ARL14EPL: variants seen among roughly 807,000 people sequenced by gnomAD.
ARL14EPL encodes ARF like GTPase 14 effector protein like, also known as ARL14 effector protein-like.
A neutral mutation model predicts 15.9 loss-of-function variants in ARL14EPL; 17 were observed. The ratio of observed to expected loss-of-function variants is 1.07; its 90% CI spans 0.73 to 1.60. ARL14EPL has a LOEUF of 1.60. Ranked by LOEUF, ARL14EPL falls within the 40% of genes most tolerant of loss-of-function variation. The pLI is 0.00. For synonymous variants in ARL14EPL, 78 were observed against 63.8 expected (o/e 1.22, Z -1.06); for missense variants, 214 against 185.9 (o/e 1.15, Z -0.88).
chr5:116,040,834 A>G (rs1188487092), intron 1 of ARL14EPL, among the ~76,000 whole-genome samples: 5 of 147,846 alleles, frequency 3.4e-5, no homozygotes, highest in Non-Finnish European at 7.5e-5. Context: ...AAAAAAAATT[A>G]GTCGGGCGTG....
At chr5:116,033,636 A>C (rs200742542) in intron 1 of ARL14EPL, among the ~76,000 whole-genome samples, 1 of 37,988 alleles carries the variant, frequency 2.6e-5, no homozygotes, top group Admixed American at 2.8e-4. Flanking sequence ...CAGAATGAAA[A>C]AATGAAAAAT....
At chr5:116,049,237 A>G (rs1035185502) in intron 1 of ARL14EPL, among the ~76,000 whole-genome samples, 2 of 152,206 alleles carry the variant, frequency 1.3e-5, no homozygotes, top group African/African-American at 4.8e-5. Context: ...CCTAATGATA[A>G]GGTTCATCAG....
chr5:116,041,007 G>C lies in ARL14EPL; in HGVS notation c.-10+8502G>C, dbSNP rs1044340390. On this transcript the variant is annotated intron_variant, in intron 1 of 3. Coordinates refer to ENST00000686077, the MANE Select transcript of ARL14EPL (RefSeq NM_001195581.2). The stretch of plus-strand genomic sequence containing the variant: ...AAAAAAAAAAAAGTTTTTATGCTGT[G>C]CATCAAAAAACACAATAGAATATTT... Among the ~76,000 whole-genome samples, 3 of 94,820 alleles carry C rather than the reference G, an allele frequency of 3.2e-5. No homozygotes were observed. In the Admixed American group the frequency reaches 3.2e-4, roughly 10 times the overall value. The allele number at this position is 94,820 out of a possible 152,430, so 62.2% of individuals were successfully genotyped here.
chr5:116,051,610 C>T (rs573393953), intron 2 of ARL14EPL, 49 bp downstream of exon 2: 50 of 1,434,580 alleles, frequency 3.5e-5, no homozygotes, highest in Non-Finnish European at 4.2e-5. Context: ...AGTGCCCCCT[C>T]GAGGATCTCT....
rs571091923 is a variant in ARL14EPL at position 116,051,481 on chromosome 5, G to A, written c.16G>A (p.Glu6Lys). 52 of 1,534,854 alleles carry A rather than the reference G, an allele frequency of 3.4e-5. No homozygotes were observed. The African/African-American group carries it at 5.3e-4, about 16-fold the overall frequency. ...GTGATCAGAGATGAATGAACAATCA[G>A]AGAAAAACAATTCCATTCAAGAGAG... Reference protein sequence around the residue: MNEQSEKNNSIQERHT... With the variant: MNEQSKKNNSIQERHT... Residue 6 changes from glutamate to lysine, a missense_variant, in exon 2 of 4, where the codon GAG becomes AAG. Physicochemically the swap from Glu to Lys is moderately conservative, Grantham distance 56 (BLOSUM62 1). Coordinates refer to ENST00000686077, the MANE Select transcript of ARL14EPL (RefSeq NM_001195581.2).
chr5:116,053,184 C>T (rs1394912945), intron 2 of ARL14EPL, among the ~76,000 whole-genome samples: 1 of 152,006 alleles, frequency 6.6e-6, no homozygotes, highest in Non-Finnish European at 1.5e-5. Context: ...CCCATCTCTA[C>T]TGCATATGTA....
intron 3 of ARL14EPL, among the ~76,000 whole-genome samples, chr5:116,057,982 T>C (rs1176030914): frequency 6.6e-6 from 1 of 152,216 alleles, no homozygotes; most frequent in Non-Finnish European, 1.5e-5. Flanking sequence ...TTTGAGAAGG[T>C]AGTAGGATTC....
intron 1 of ARL14EPL, among the ~76,000 whole-genome samples, chr5:116,039,341 G>T (rs1749105883): frequency 6.6e-6 from 1 of 152,178 alleles, no homozygotes; most frequent in African/African-American, 2.4e-5. Context: ...GAACCAGAAT[G>T]GGATCTCTAC....
intron 1 of ARL14EPL, among the ~76,000 whole-genome samples, chr5:116,048,439 T>A (rs928015819): frequency 6.6e-6 from 1 of 152,166 alleles, no homozygotes; most frequent in Non-Finnish European, 1.5e-5. Flanking sequence ...ACGGATCCCT[T>A]TGGCAGACAG....
At chr5:116,051,177 T>C in intron 1 of ARL14EPL, 1 of 276,110 alleles carries the variant, frequency 3.6e-6, no homozygotes, top group Non-Finnish European at 6.7e-6. Flanking sequence ...ACTCAGAGTC[T>C]TCTTAATCCT....
At chr5:116,050,826 CAT>C (rs1749360051) in intron 1 of ARL14EPL, among the ~76,000 whole-genome samples, 1 of 75,700 alleles carries the variant, frequency 1.3e-5, no homozygotes, top group African/African-American at 4.8e-5. Flanking sequence ...TACACACACA[CAT>C]GCACACACAC....
At chr5:116,058,606 C>G (rs1377479292) in intron 3 of ARL14EPL, 119 bp from the exon 4 acceptor site, 2 of 918,686 alleles carry the variant, frequency 2.2e-6, no homozygotes, top group Non-Finnish European at 3.3e-6. Context: ...TTCTGGTAAT[C>G]TCTGGAGTTC....
In ARL14EPL at chr5:116,059,005, T is replaced by G; in HGVS notation, c.*58T>G. 1.4e-6 allele frequency: 2 copies of G among 1,473,908 alleles called. 1 individual carries two copies. The highest frequency in any genetic ancestry group is 2.4e-5 in the South Asian group (2 of 81,974). 91.3% of individuals were successfully genotyped at this position (1,473,908 alleles called of 1,614,324 possible). On this transcript the variant is annotated 3_prime_UTR_variant, in exon 4 of 4. Transcript: ENST00000686077. ...TTCTTACACATTTAAGTTGACCTCTTTCTTTTGGGTGAATTTTAGGGCTTG... is the reference window on the plus strand; with the variant it reads ...TTCTTACACATTTAAGTTGACCTCTGTCTTTTGGGTGAATTTTAGGGCTTG...
chr5:116,052,210 G>C, intron 2 of ARL14EPL: 2 of 1,606,024 alleles, frequency 1.2e-6, no homozygotes. Context: ...CCTTGCCCCC[G>C]GATTTGTTCA....
intron 2 of ARL14EPL, among the ~76,000 whole-genome samples, chr5:116,052,715 A>G (rs564618757): frequency 1.3e-3 from 193 of 152,374 alleles, no homozygotes; most frequent in Non-Finnish European, 2.0e-3. Flanking sequence ...AATTTAAAAG[A>G]AACATTATAT....
Position 116,059,031 on chromosome 5 carries a change from G to T in ARL14EPL, c.*84G>T. On this transcript the variant is annotated 3_prime_UTR_variant, in exon 4 of 4. Coordinates refer to ENST00000686077, the MANE Select transcript of ARL14EPL (RefSeq NM_001195581.2). ...TCTTTTGGGTGAATTTTAGGGCTTG[G>T]GGGAAATATCGAAAAAACATACTGA... The T allele has an allele frequency of 3.8e-6, 5 of 1,330,262 alleles. No homozygotes were observed. Among genetic ancestry groups the T allele is most frequent in the Non-Finnish European group, 5.2e-6 (5 of 968,090 alleles). The allele number at this position is 1,330,262 out of a possible 1,614,324, so 82.4% of individuals were successfully genotyped here.
At chr5:116,036,188 A>C (rs532565328) in intron 1 of ARL14EPL, among the ~76,000 whole-genome samples, 273 of 152,348 alleles carry the variant, frequency 1.8e-3, no homozygotes, top group Non-Finnish European at 3.1e-3. Context: ...CAGAAGCAGA[A>C]GCTAGAATTT....
intron 1 of ARL14EPL, among the ~76,000 whole-genome samples, chr5:116,049,824 A>G (rs979872252): frequency 6.6e-6 from 1 of 152,246 alleles, no homozygotes; most frequent in Non-Finnish European, 1.5e-5. Flanking sequence ...TCCAATTAGA[A>G]ATAACAGTTA....
intron 3 of ARL14EPL, among the ~76,000 whole-genome samples, chr5:116,056,860 A>C (rs575303092): frequency 1.6e-4 from 24 of 152,206 alleles, no homozygotes; most frequent in Non-Finnish European, 2.5e-4. Flanking sequence ...TCAGCTTTCT[A>C]CATATGGCTA....
Sources: gnomAD v4.1 joint callset for allele counts (sites outside exome capture counted in the v4.1 genomes callset) on GRCh38, gnomAD v4.1.1 for gene constraint, MANE v1.5 for transcripts, NCBI Gene and HGNC (gene_info 2026-07-23, HGNC 2026-07-21) for gene names.